The following ATXN1 variants were observed in gnomAD, a reference collection of about 807,000 sequenced individuals.
The protein encoded by ATXN1 is ataxin 1, also known as ataxin-1.
Under a neutral mutation model 56.4 loss-of-function variants are expected in ATXN1, and 8 were observed. That is an observed-to-expected ratio of 0.14 (90% CI 0.08 to 0.26). ATXN1 has a LOEUF of 0.26. Among genes scored for constraint, ATXN1 ranks in the 10% least tolerant of loss-of-function variants. The probability of loss-of-function intolerance (pLI) is 1.00; values close to 1 mark genes in which losing one functional copy is unlikely to be tolerated. For missense variants in ATXN1, 987 were observed against 1,106.5 expected (o/e 0.89, Z 1.53); for synonymous variants, 514 against 494.6 (o/e 1.04, Z -0.52).
At chr6:16,629,578 C>T (rs1342361671) in intron 3 of ATXN1, among the ~76,000 whole-genome samples, 1 of 152,090 alleles carries the variant, frequency 6.6e-6, no homozygotes, top group African/African-American at 2.4e-5. Flanking sequence ...ATCTGCCCAC[C>T]TTGGCCTTTC....
At chr6:16,594,802 T>C (rs1293948780) in intron 3 of ATXN1, among the ~76,000 whole-genome samples, 1 of 152,266 alleles carries the variant, frequency 6.6e-6, no homozygotes, top group South Asian at 2.1e-4. Flanking sequence ...ATTCTAAATA[T>C]CCATAAAGAA....
chr6:16,594,759 G>C (rs1405681876), intron 3 of ATXN1, among the ~76,000 whole-genome samples: 1 of 152,284 alleles, frequency 6.6e-6, no homozygotes, highest in East Asian at 1.9e-4. Flanking sequence ...GGGATTACAG[G>C]CGTGAGCCAC....
At chr6:16,673,225 C>T (rs1330028163) in intron 2 of ATXN1, among the ~76,000 whole-genome samples, 2 of 152,062 alleles carry the variant, frequency 1.3e-5, no homozygotes, top group Non-Finnish European at 2.9e-5. Context: ...GTTACAGCAG[C>T]AATGAAAAAC....
At chr6:16,344,060 A>G (rs774480303) in intron 6 of ATXN1, among the ~76,000 whole-genome samples, 1 of 152,142 alleles carries the variant, frequency 6.6e-6, no homozygotes, top group Non-Finnish European at 1.5e-5. Context: ...TGGTCCAGGA[A>G]CCACACTTCC....
chr6:16,326,628 G>A lies in ATXN1; in HGVS notation c.1683C>T (p.Ala561=). ...GCGTAGGGGGAGCCGCCGCCGGGGAGGCCACGGACTGCACCACAGGCAGGT... is the reference window on the plus strand; with the variant it reads ...GCGTAGGGGGAGCCGCCGCCGGGGAAGCCACGGACTGCACCACAGGCAGGT... ...QIHLPVVQSV[A]SPAAAPPTLP... is the part of the protein sequence containing the mutation. Residue 561 remains alanine (A), a synonymous_variant, in exon 7 of 8, where the codon GCC becomes GCT. Coordinates refer to ENST00000436367, the MANE Select transcript of ATXN1 (RefSeq NM_001128164.2). This position sits in a 1 kb window ranked among gnomAD's most constrained non-coding sequence, Gnocchi z 6.6. 6.2e-7 allele frequency: 1 copy of A among 1,614,000 alleles called. No homozygotes were observed. The highest frequency in any genetic ancestry group is 2.2e-5 in the East Asian group (1 of 44,884).
chr6:16,471,513 A>C (rs1232390600), intron 6 of ATXN1, among the ~76,000 whole-genome samples: 1 of 152,190 alleles, frequency 6.6e-6, no homozygotes, highest in Non-Finnish European at 1.5e-5. Context: ...TTTTAATATT[A>C]AGATAAGTGA....
intron 2 of ATXN1, among the ~76,000 whole-genome samples, chr6:16,704,136 C>A (rs1463626031): frequency 1.3e-5 from 2 of 152,160 alleles, no homozygotes; most frequent in East Asian, 3.8e-4. Flanking sequence ...CGTCATGGAG[C>A]CCACACTGTA....
rs190803090 is a variant in ATXN1, at chr6:16,701,847, A to C, written c.-614-43946T>G. Among the ~76,000 whole-genome samples the C allele has an allele frequency of 2.0e-5, 3 of 152,360 alleles. No individual in the cohort carries two copies. In the East Asian group the frequency reaches 5.8e-4, roughly 29 times the overall value. Reference sequence around the variant, plus strand: ...ACGAAATAAAAGAGGATACAAACAAATGGAAGAACATTCCATGCTCATGGA... The same window carrying C: ...ACGAAATAAAAGAGGATACAAACAACTGGAAGAACATTCCATGCTCATGGA... On this transcript the variant is annotated intron_variant, in intron 2 of 7. Transcript: ENST00000436367.
intron 4 of ATXN1, among the ~76,000 whole-genome samples, chr6:16,536,195 CGACAGAGTGAGACCCTGT>C (rs1273739537): frequency 6.6e-6 from 1 of 151,738 alleles, no homozygotes; most frequent in Non-Finnish European, 1.5e-5. Flanking sequence ...CCAACCTGGG[CGACAGAGTGAGACCCTGT>C]CTCAACAATA....
At chr6:16,370,552 G>A (rs1220189037) in intron 6 of ATXN1, among the ~76,000 whole-genome samples, 1 of 152,154 alleles carries the variant, frequency 6.6e-6, no homozygotes, top group African/African-American at 2.4e-5. Flanking sequence ...AATAAAGTGT[G>A]ATCATATGTG....
intron 6 of ATXN1, among the ~76,000 whole-genome samples, chr6:16,335,520 G>A (rs1233688280): frequency 1.3e-5 from 2 of 152,230 alleles, no homozygotes; most frequent in African/African-American, 2.4e-5. Flanking sequence ...AAGCTAGAAG[G>A]AGTCCACACG....
intron 3 of ATXN1, among the ~76,000 whole-genome samples, chr6:16,635,977 C>A (rs1324502797): frequency 6.6e-6 from 1 of 152,152 alleles, no homozygotes; most frequent in Non-Finnish European, 1.5e-5. Context: ...AGAGCACAAC[C>A]CTAACCTCAG....
At chr6:16,390,904 T>C (rs1010969196) in intron 6 of ATXN1, among the ~76,000 whole-genome samples, 2 of 152,116 alleles carry the variant, frequency 1.3e-5, no homozygotes, top group Non-Finnish European at 2.9e-5. Flanking sequence ...CTCACGCCTG[T>C]AATCCCACCA....
chr6:16,723,947 T>C (rs79020982), intron 2 of ATXN1, among the ~76,000 whole-genome samples: 21 of 152,320 alleles, frequency 1.4e-4, no homozygotes, highest in African/African-American at 4.8e-4. Flanking sequence ...AGCATGTTGA[T>C]TCTTACACAA....
At chr6:16,314,459 C>G (rs1467127447) in intron 7 of ATXN1, among the ~76,000 whole-genome samples, 1 of 152,066 alleles carries the variant, frequency 6.6e-6, no homozygotes, top group East Asian at 1.9e-4. Context: ...AACATGCTGT[C>G]AATGCCAGCG....
In ATXN1 at chr6:16,625,045, C is replaced by T. The variant is rs551020626; in HGVS notation, c.-489+32731G>A. Among the ~76,000 whole-genome samples, 7 of 152,244 alleles carry T rather than the reference C, an allele frequency of 4.6e-5. No individual in the cohort carries two copies. The South Asian group carries it at 1.0e-3, about 23-fold the overall frequency. On this transcript the variant is annotated intron_variant, in intron 3 of 7. Coordinates refer to ENST00000436367, the MANE Select transcript of ATXN1 (RefSeq NM_001128164.2). ...TAAATGTTAAATAAAAAACTGTCAA[C>T]GATTACTGGGAATGGAAAAACAGCC...
rs1272368396 is a variant in ATXN1 at position 16,327,678 on chromosome 6, ATGCTGATGCTGCTGCTGCTGCTGC to A, written c.609_632del (p.Gln203_Gln210del). 5 of 1,011,332 alleles carry A rather than the reference ATGCTGATGCTGCTGCTGCTGCTGC, an allele frequency of 4.9e-6. No individual in the cohort carries two copies. The African/African-American group carries it at 1.1e-4, about 21-fold the overall frequency. 62.6% of individuals were successfully genotyped at this position (1,011,332 alleles called of 1,614,324 possible). A position where few individuals can be genotyped will look rare whatever the true frequency, so the allele number is the denominator to read the frequency against. On this transcript the variant is annotated inframe_deletion, in exon 7 of 8. Coordinates refer to ENST00000436367, the MANE Select transcript of ATXN1 (RefSeq NM_001128164.2). ...GCTGCTGCTGCTGCTGCTGCTGCTG[ATGCTGATGCTGCTGCTGCTGCTGC>A]TGCTGCTGCTGCTGCTGCTGCTCAG... is the stretch of plus-strand genomic sequence containing the variant.
At chr6:16,539,050 C>G (rs960008941) in intron 4 of ATXN1, among the ~76,000 whole-genome samples, 5 of 152,164 alleles carry the variant, frequency 3.3e-5, no homozygotes, top group African/African-American at 1.2e-4. Context: ...ACCTGCCAAC[C>G]CACTCTAAGT....
At chr6:16,558,300 C>CAAAAAAAAAAAAAAAAATAA (rs1762050648) in intron 4 of ATXN1, among the ~76,000 whole-genome samples, 1 of 95,410 alleles carries the variant, frequency 1.0e-5, no homozygotes, top group Non-Finnish European at 2.1e-5. Context: ...GATCCTGTGT[C>CAAAAAAAAAAAAAAAAATAA]AAAAAAAAAA....
Sources: gnomAD v4.1 joint callset for allele counts (sites outside exome capture counted in the v4.1 genomes callset) on GRCh38, gnomAD v4.1.1 for gene constraint, Gnocchi (gnomAD v3.1) non-coding constraint, MANE v1.5 for transcripts, NCBI Gene and HGNC (gene_info 2026-07-23, HGNC 2026-07-21) for gene names.